The following PCDHGA2 variants were observed in gnomAD, a reference collection of about 807,000 sequenced individuals.
PCDHGA2 encodes the protein protocadherin gamma subfamily A, 2.
PCDHGA2 carries 40 observed loss-of-function variants against 59.2 expected under a neutral mutation model. The observed-to-expected ratio is 0.68, with a 90% CI of 0.52 to 0.88. The LOEUF (loss-of-function observed/expected upper bound fraction) is 0.88. Among genes scored for constraint, PCDHGA2 ranks in the 40% least tolerant of loss-of-function variants. The pLI is 0.00. For missense variants in PCDHGA2, 1,226 were observed against 1,204.0 expected, an observed-to-expected ratio of 1.02 and a Z score of -0.27; for synonymous variants, 560 against 526.0, an observed-to-expected ratio of 1.06 and a Z score of -0.89.
intron 1 of PCDHGA2, among the ~76,000 whole-genome samples, chr5:141,353,973 C>G (rs560651740): frequency 1.2e-4 from 18 of 152,342 alleles, no homozygotes; most frequent in Admixed American, 1.1e-3. Context: ...AACTGATGTA[C>G]TGCTTTATCT....
Position 141,375,262 on chromosome 5 carries a change from A to C in PCDHGA2, c.2424+33867A>C, listed in dbSNP as rs781354981. The C allele has an allele frequency of 3.1e-6, 5 of 1,613,914 alleles. No individual in the cohort carries two copies. In the South Asian group the frequency reaches 5.5e-5, roughly 18 times the overall value. On this transcript the variant is annotated intron_variant, in intron 1 of 3. Coordinates refer to ENST00000394576, the MANE Select transcript of PCDHGA2 (RefSeq NM_018915.4). Reference sequence around the variant, plus strand: ...CCATCCCGAGAAGTCTCCCATTTGAATTGGAAAAATCAGTTGGCAATTATT... The same window carrying C: ...CCATCCCGAGAAGTCTCCCATTTGACTTGGAAAAATCAGTTGGCAATTATT...
At chr5:141,395,170 AGAAAAATGATTCTT>A in intron 1 of PCDHGA2, 1 of 1,614,214 alleles carries the variant, frequency 6.2e-7, no homozygotes, top group Non-Finnish European at 8.5e-7. Flanking sequence ...GAGGGCTGTG[AGAAAAATGATTCTT>A]TGTTAACATC....
rs374709453 is a variant in PCDHGA2 at position 141,346,400 on chromosome 5, G to A, written c.2424+5005G>A. 9.9e-6 allele frequency: 16 copies of A among 1,614,124 alleles called. No homozygotes were observed. In the African/African-American group the frequency reaches 1.6e-4, roughly 16 times the overall value. On this transcript the variant is annotated intron_variant, in intron 1 of 3. Coordinates refer to ENST00000394576, the MANE Select transcript of PCDHGA2 (RefSeq NM_018915.4). ...GCCAGGAGAGCTGTGAGAAAAGCGA[G>A]CCTCTTCTGATAACTCAGGATTTAC...
chr5:141,401,000 C>T (rs113065470), intron 1 of PCDHGA2, among the ~76,000 whole-genome samples: 2 of 152,218 alleles, frequency 1.3e-5, no homozygotes, highest in Non-Finnish European at 2.9e-5. Flanking sequence ...CTTTCTTATT[C>T]CTACCTAATG....
intron 1 of PCDHGA2, among the ~76,000 whole-genome samples, chr5:141,359,359 C>A: frequency 6.6e-6 from 1 of 151,714 alleles, no homozygotes; most frequent in East Asian, 1.9e-4. Context: ...GTTTTAAAGG[C>A]CTAGGAAAGC....
chr5:141,471,977 A>G (rs1487329441), intron 1 of PCDHGA2, among the ~76,000 whole-genome samples: 1 of 152,212 alleles, frequency 6.6e-6, no homozygotes, highest in Non-Finnish European at 1.5e-5. Context: ...ATTACTGTAT[A>G]AATTTATTAA....
At chr5:141,392,945 C>A in intron 1 of PCDHGA2, 2 of 1,613,916 alleles carry the variant, frequency 1.2e-6, no homozygotes, top group Non-Finnish European at 1.7e-6. Flanking sequence ...AAGGCTCCTT[C>A]GTGGGTAATA....
intron 3 of PCDHGA2, chr5:141,506,955 C>T (rs1387377785): frequency 2.6e-5 from 4 of 152,362 alleles, no homozygotes; most frequent in South Asian, 2.1e-4. Context: ...AATGAATCCT[C>T]TCAATAGCTC....
intron 1 of PCDHGA2, chr5:141,423,913 C>T: frequency 7.9e-7 from 1 of 1,269,552 alleles, no homozygotes; most frequent in Non-Finnish European, 1.0e-6. Context: ...AGGGGCCATT[C>T]AACTATGCTG....
rs765263883 is a variant in PCDHGA2 at position 141,491,018 on chromosome 5, C to T, written c.2425-3789C>T. On this transcript the variant is annotated intron_variant, in intron 1 of 3. Coordinates refer to ENST00000394576, the MANE Select transcript of PCDHGA2 (RefSeq NM_018915.4). This position sits in a 1 kb window ranked among gnomAD's most constrained non-coding sequence, Gnocchi z 6.9. The stretch of plus-strand genomic sequence containing the variant: ...CCTGGCTCCTTGGTCACCAAGGTGA[C>T]AGCCGTGGATGCTGATGCAGGCCAC... 1.2e-6 allele frequency: 2 copies of T among 1,614,146 alleles called. No individual in the cohort carries two copies. The highest frequency in any genetic ancestry group is 1.7e-6 in the Non-Finnish European group (2 of 1,180,042).
rs776349562 is a variant in PCDHGA2 at position 141,491,131 on chromosome 5, G to T, written c.2425-3676G>T. The T allele has an allele frequency of 6.2e-7, 1 of 1,614,182 alleles. No individual in the cohort carries two copies. Among genetic ancestry groups the T allele is most frequent in the Non-Finnish European group, 8.5e-7 (1 of 1,180,008 alleles). On this transcript the variant is annotated intron_variant, in intron 1 of 3. Coordinates refer to ENST00000394576, the MANE Select transcript of PCDHGA2 (RefSeq NM_018915.4). This position sits in a 1 kb window ranked among gnomAD's most constrained non-coding sequence, Gnocchi z 6.9. ...TACACACACTGGTGAGGTGCGCACA[G>T]CCCGGGCCTTACTGGAGGATGACTC...
chr5:141,410,617 T>A, intron 1 of PCDHGA2: 2 of 1,603,978 alleles, frequency 1.2e-6, no homozygotes, highest in Non-Finnish European at 1.7e-6. Flanking sequence ...AGACTCTGAC[T>A]TCGGTGAGTT....
chr5:141,490,345 G>GT lies in PCDHGA2; in HGVS notation c.2425-4461dup, dbSNP rs1363310763. The GT allele has an allele frequency of 6.2e-7, 1 of 1,614,216 alleles. No individual in the cohort carries two copies. The highest frequency in any genetic ancestry group is 2.2e-5 in the East Asian group (1 of 44,886). ...AGAGAGCACACCAGTGGGCACAGTAGTGGGGTTGTTTAATGTGCGAGACCG... is the reference window on the plus strand; with the variant it reads ...AGAGAGCACACCAGTGGGCACAGTAGTTGGGGTTGTTTAATGTGCGAGACCG... On this transcript the variant is annotated intron_variant, in intron 1 of 3. Transcript: ENST00000394576. This position sits in a 1 kb window ranked among gnomAD's most constrained non-coding sequence, Gnocchi z 5.4.
At chr5:141,418,381 T>C in intron 1 of PCDHGA2, 3 of 1,613,998 alleles carry the variant, frequency 1.9e-6, no homozygotes, top group Non-Finnish European at 2.5e-6. Flanking sequence ...AACTAAGTCC[T>C]AACGAGTATT....
chr5:141,464,973 TTC>T (rs2154568681), intron 1 of PCDHGA2, among the ~76,000 whole-genome samples: 1 of 152,092 alleles, frequency 6.6e-6, no homozygotes, highest in East Asian at 1.9e-4. Flanking sequence ...AACTACTGGC[TTC>T]AAGTGATCCT....
intron 1 of PCDHGA2, among the ~76,000 whole-genome samples, chr5:141,349,249 T>G (rs1037836066): frequency 1.3e-5 from 2 of 152,154 alleles, no homozygotes; most frequent in Admixed American, 1.3e-4. Context: ...TTTATTTTTT[T>G]TAGTAGAGAT....
At chr5:141,430,252 A>C (rs1292590200) in intron 1 of PCDHGA2, among the ~76,000 whole-genome samples, 1 of 102,244 alleles carries the variant, frequency 9.8e-6, no homozygotes, top group Admixed American at 1.0e-4. Context: ...CTAGGGAGAC[A>C]TCTCCATAAT....
In PCDHGA2 at chr5:141,394,482, G is replaced by T. The variant is rs751618237; in HGVS notation, c.2424+53087G>T. On this transcript the variant is annotated intron_variant, in intron 1 of 3. Coordinates refer to ENST00000394576, the MANE Select transcript of PCDHGA2 (RefSeq NM_018915.4). ...GAGCCTGTTCGTGCTGGACCAGAAT[G>T]ACAACGCGCCCGAGATCCTGTACCC... 8 of 1,614,122 alleles carry T rather than the reference G, an allele frequency of 5.0e-6. No homozygotes were observed. The African/African-American group carries it at 1.1e-4, about 22-fold the overall frequency.
chr5:141,339,116 G>T lies in PCDHGA2; in HGVS notation c.145G>T (p.Ala49Ser). 1.2e-6 allele frequency: 2 copies of T among 1,614,224 alleles called. No homozygotes were observed. Among genetic ancestry groups the T allele is most frequent in the Non-Finnish European group, 1.7e-6 (2 of 1,180,028 alleles). The part of the protein sequence containing the change: ...IDRGSFVGNI[A>S]KDLGLEPLAL... ...CAGAGGCTCCTTCGTAGGCAACATC[G>T]CCAAGGACTTGGGTTTGGAGCCCCT... The change falls in exon 1 of 4, where the codon GCC (alanine) becomes TCC (serine). Residue 49 changes from alanine to serine, a missense_variant. Ala to Ser is a moderately conservative substitution (Grantham distance 99). Coordinates refer to ENST00000394576, the MANE Select transcript of PCDHGA2 (RefSeq NM_018915.4).
Sources: allele counts gnomAD v4.1 joint callset (sites outside exome capture counted in the v4.1 genomes callset), GRCh38; gene constraint gnomAD v4.1.1; non-coding constraint Gnocchi (gnomAD v3.1); transcripts MANE v1.5; gene names NCBI Gene and HGNC (gene_info 2026-07-23, HGNC 2026-07-21).